Variants in ZNF578 observed in about 807,000 individuals in gnomAD.
ZNF578 encodes zinc finger protein 578, also known as Putative chemokine-related protein B42.
ZNF578 carries 8 observed loss-of-function variants against 8.3 expected under a neutral mutation model. The ratio of observed to expected loss-of-function variants is 0.96; its 90% CI spans 0.56 to 1.74. The LOEUF (loss-of-function observed/expected upper bound fraction) is 1.74, where lower values mean the gene tolerates loss of function less well. ZNF578 is among the 40% of genes most tolerant of loss of function. The pLI is 0.00. For synonymous variants in ZNF578, 206 were observed against 232.2 expected, an observed-to-expected ratio of 0.89 and a Z score of 1.03; for missense variants, 726 against 707.5, an observed-to-expected ratio of 1.03 and a Z score of -0.30.
chr19:52,485,360 C>G (rs1395833740), intron 2 of ZNF578, among the ~76,000 whole-genome samples: 1 of 152,160 alleles, frequency 6.6e-6, no homozygotes, highest in African/African-American at 2.4e-5. Context: ...GCAAATAGAG[C>G]TTTTGTGCCG....
chr19:52,456,149 G>A (rs912065238), intron 1 of ZNF578: 2 of 152,226 alleles, frequency 1.3e-5, no homozygotes, highest in African/African-American at 4.8e-5. Flanking sequence ...GAAGGTTTAT[G>A]TGACCCTTCC....
chr19:52,483,709 C>T (rs2059335176), intron 2 of ZNF578, among the ~76,000 whole-genome samples: 1 of 152,180 alleles, frequency 6.6e-6, no homozygotes, highest in African/African-American at 2.4e-5. Context: ...AACTAGGTAA[C>T]TAAGGGCAAT....
Position 52,513,978 on chromosome 19 carries a change from C to G in ZNF578, c.*1824C>G, listed in dbSNP as rs1000913895. 6.6e-6 allele frequency among the ~76,000 whole-genome samples: 1 copy of G among 151,990 alleles called. No homozygotes were observed. Among genetic ancestry groups the G allele is most frequent in the Non-Finnish European group, 1.5e-5 (1 of 67,996 alleles). ...AGGTAGAGGTTACAGCGAATCAAAA[C>G]CGTGCCACTGTACTGCAGCGAGGTT... On this transcript the variant is annotated 3_prime_UTR_variant, in exon 6 of 6. Transcript: ENST00000421239.
At chr19:52,499,203 C>A (rs999992039) in intron 3 of ZNF578, among the ~76,000 whole-genome samples, 3 of 152,210 alleles carry the variant, frequency 2.0e-5, no homozygotes, top group Non-Finnish European at 2.9e-5. Context: ...CCTGAAACGA[C>A]TGACAAAATA....
chr19:52,488,987 C>T (rs1160472531), intron 2 of ZNF578, among the ~76,000 whole-genome samples: 6 of 151,888 alleles, frequency 4.0e-5, no homozygotes, highest in Admixed American at 1.3e-4. Flanking sequence ...TTCAGCTACT[C>T]CAGAGGCTGA....
intron 3 of ZNF578, among the ~76,000 whole-genome samples, chr19:52,496,386 G>T (rs868161325): frequency 7.0e-6 from 1 of 143,152 alleles, no homozygotes; most frequent in East Asian, 2.1e-4. Flanking sequence ...CTGGAGTGCA[G>T]TGGCGCAATC....
chr19:52,498,380 G>A (rs962391180), intron 3 of ZNF578, among the ~76,000 whole-genome samples: 14 of 149,748 alleles, frequency 9.3e-5, no homozygotes, highest in African/African-American at 3.5e-4. Context: ...CGCCCAGGAG[G>A]GAGTGCAGTG....
chr19:52,507,042 C>T (rs868017074), intron 5 of ZNF578, among the ~76,000 whole-genome samples: 7 of 152,106 alleles, frequency 4.6e-5, no homozygotes, highest in African/African-American at 1.7e-4. Context: ...GGCTTGAGGT[C>T]AGGAGTTTGA....
At chr19:52,483,953 G>A (rs1009052362) in intron 2 of ZNF578, among the ~76,000 whole-genome samples, 1 of 143,500 alleles carries the variant, frequency 7.0e-6, no homozygotes, top group African/African-American at 2.6e-5. Flanking sequence ...AGAAAGAAAA[G>A]CGGGCCCAGG....
At chr19:52,503,321 C>T (rs1216308307) in intron 4 of ZNF578, among the ~76,000 whole-genome samples, 1 of 152,108 alleles carries the variant, frequency 6.6e-6, no homozygotes, top group Non-Finnish European at 1.5e-5. Flanking sequence ...GCTGGCATTC[C>T]AAATGGGAGA....
At chr19:52,467,806 CAA>C (rs1304025612) in intron 2 of ZNF578, among the ~76,000 whole-genome samples, 3 of 151,808 alleles carry the variant, frequency 2.0e-5, no homozygotes, top group Admixed American at 6.6e-5. Context: ...TGGATACTAA[CAA>C]GATTATCCAA....
At chr19:52,472,738 T>C (rs905424419) in intron 2 of ZNF578, among the ~76,000 whole-genome samples, 1 of 152,346 alleles carries the variant, frequency 6.6e-6, no homozygotes, top group African/African-American at 2.4e-5. Context: ...ACTGGCATCA[T>C]AGTTTTACAT....
chr19:52,508,072 C>T (rs2059431493), intron 5 of ZNF578, among the ~76,000 whole-genome samples: 1 of 151,634 alleles, frequency 6.6e-6, no homozygotes, highest in Non-Finnish European at 1.5e-5. Context: ...AGAGGCGGGG[C>T]ACGGTGGCTC....
At chr19:52,510,362 A>G (rs1192873319) in intron 5 of ZNF578, among the ~76,000 whole-genome samples, 1 of 152,176 alleles carries the variant, frequency 6.6e-6, no homozygotes, top group African/African-American at 2.4e-5. Context: ...TTGTCATGAT[A>G]TAGGAAATAA....
In ZNF578 at chr19:52,513,785, G is replaced by A. The variant is rs2059460953; in HGVS notation, c.*1631G>A. Among the ~76,000 whole-genome samples, 1 of 151,598 alleles carries A rather than the reference G, an allele frequency of 6.6e-6. No individual in the cohort carries two copies. Among genetic ancestry groups the A allele is most frequent in the Non-Finnish European group, 1.5e-5 (1 of 67,944 alleles). On this transcript the variant is annotated 3_prime_UTR_variant, in exon 6 of 6. Coordinates refer to ENST00000421239, the MANE Select transcript of ZNF578 (RefSeq NM_001099694.2). ...GGGTGTCTCATCCCACAGCACTTTGGAAGACTGAAGTGAGTGGATCATCTA... is the reference window on the plus strand; with the variant it reads ...GGGTGTCTCATCCCACAGCACTTTGAAAGACTGAAGTGAGTGGATCATCTA...
chr19:52,482,603 A>T (rs2059330650), intron 2 of ZNF578, among the ~76,000 whole-genome samples: 1 of 151,938 alleles, frequency 6.6e-6, no homozygotes. Flanking sequence ...GCGCCACTGC[A>T]CACCAGCCTG....
At chr19:52,466,266 G>A (rs2059274855) in intron 2 of ZNF578, among the ~76,000 whole-genome samples, 1 of 152,182 alleles carries the variant, frequency 6.6e-6, no homozygotes, top group Admixed American at 6.6e-5. Context: ...TGTGGGGAGT[G>A]GGCTTAACTA....
At chr19:52,510,062 TTCTTA>T (rs1210415431) in intron 5 of ZNF578, among the ~76,000 whole-genome samples, 2 of 152,080 alleles carry the variant, frequency 1.3e-5, no homozygotes, top group African/African-American at 2.4e-5. Context: ...TTGTAATCTT[TTCTTA>T]TCTTCTCAGT....
intron 4 of ZNF578, among the ~76,000 whole-genome samples, chr19:52,502,455 G>C (rs1275514308): frequency 6.6e-6 from 1 of 152,176 alleles, no homozygotes; most frequent in African/African-American, 2.4e-5. Context: ...CAGGATGTTG[G>C]TCCAGGTGGG....
Sources: allele counts gnomAD v4.1 joint callset (sites outside exome capture counted in the v4.1 genomes callset), GRCh38; gene constraint gnomAD v4.1.1; transcripts MANE v1.5; gene names NCBI Gene and HGNC (gene_info 2026-07-23, HGNC 2026-07-21).